Variants in SYNPO2 observed in about 807,000 individuals in gnomAD.
The protein encoded by SYNPO2 is synaptopodin 2.
SYNPO2 carries 56 observed loss-of-function variants against 85.0 expected under a neutral mutation model. That is an observed-to-expected ratio of 0.66 (90% confidence interval 0.53 to 0.82). The LOEUF is 0.82. Ranked by LOEUF, SYNPO2 falls within the 40% of genes least tolerant of loss-of-function variation. SYNPO2 has a pLI of 0.00. For synonymous variants in SYNPO2, 602 were observed against 591.1 expected (o/e 1.02, Z -0.27); for missense variants, 1,575 against 1,534.2 (o/e 1.03, Z -0.44).
intron 1 of SYNPO2, among the ~76,000 whole-genome samples, chr4:118,905,221 A>G (rs78472330): frequency 0.01 from 1,566 of 152,298 alleles, 10 homozygotes; most frequent in Admixed American, 0.02. Context: ...TATGTTCTTC[A>G]TGATATCCAA....
chr4:118,914,080 G>A (rs1204063313), intron 1 of SYNPO2, among the ~76,000 whole-genome samples: 4 of 152,164 alleles, frequency 2.6e-5, no homozygotes, highest in African/African-American at 9.7e-5. Flanking sequence ...TATAGGATAT[G>A]GATGGTGGGG....
chr4:118,908,527 C>T lies in SYNPO2; in HGVS notation c.105+19386C>T, dbSNP rs115246692. Among the ~76,000 whole-genome samples, 462 of 152,072 alleles carry T rather than the reference C, an allele frequency of 3.0e-3. 1 individual carries two copies. Among genetic ancestry groups the T allele is most frequent in the Admixed American group, 6.5e-3 (100 of 15,274 alleles). On this transcript the variant is annotated intron_variant, in intron 1 of 4. Transcript: ENST00000307142. ...AGATCGTTTCAGGATAAAAAACATT[C>T]GTAAGTATGATCAATGTTCTAAAAG...
At chr4:118,936,055 C>A (rs533408446) in intron 1 of SYNPO2, among the ~76,000 whole-genome samples, 5 of 152,116 alleles carry the variant, frequency 3.3e-5, no homozygotes, top group African/African-American at 1.2e-4. Context: ...CTAAGTGAAC[C>A]CATACAGTTC....
chr4:118,916,701 T>C (rs1733336410), intron 1 of SYNPO2, among the ~76,000 whole-genome samples: 1 of 150,990 alleles, frequency 6.6e-6, no homozygotes, highest in Non-Finnish European at 1.5e-5. Context: ...TTCTTTTTCT[T>C]CTTCCTCTTC....
chr4:119,032,350 A>G, intron 4 of SYNPO2: 13 of 1,251,328 alleles, frequency 1.0e-5, no homozygotes, highest in Non-Finnish European at 1.3e-5. Context: ...TAGCCACAAG[A>G]AAGACAGTGA....
At chr4:118,944,998 C>T (rs1298989461) in intron 1 of SYNPO2, among the ~76,000 whole-genome samples, 1 of 152,220 alleles carries the variant, frequency 6.6e-6, no homozygotes, top group South Asian at 2.1e-4. Flanking sequence ...CTCTCTGAAC[C>T]TCAGCTCCTT....
intron 1 of SYNPO2, among the ~76,000 whole-genome samples, chr4:118,879,734 C>T (rs1215170738): frequency 6.6e-6 from 1 of 152,202 alleles, no homozygotes; most frequent in Non-Finnish European, 1.5e-5. Context: ...GGTCATCAAT[C>T]ATTTGCCTTC....
intron 1 of SYNPO2, among the ~76,000 whole-genome samples, chr4:119,023,167 T>C (rs185280951): frequency 5.6e-4 from 85 of 152,356 alleles, no homozygotes; most frequent in African/African-American, 2.0e-3. Flanking sequence ...GTCTGGTACC[T>C]TTACATTGAT....
At chr4:118,904,230 T>A (rs906656544) in intron 1 of SYNPO2, among the ~76,000 whole-genome samples, 9 of 140,764 alleles carry the variant, frequency 6.4e-5, no homozygotes, top group African/African-American at 2.3e-4. Flanking sequence ...TAGAAAACAT[T>A]CAAGAGTTTA....
chr4:119,025,977 G>C (rs527524514), intron 2 of SYNPO2, among the ~76,000 whole-genome samples: 2 of 152,198 alleles, frequency 1.3e-5, no homozygotes, highest in South Asian at 4.2e-4. Context: ...CCAAGAAACA[G>C]ATCCAAATAG....
intron 1 of SYNPO2, among the ~76,000 whole-genome samples, chr4:118,891,548 A>C (rs1432909949): frequency 6.6e-6 from 1 of 152,242 alleles, no homozygotes; most frequent in Non-Finnish European, 1.5e-5. Context: ...CCCTTGGAAC[A>C]AAGCGCTTAT....
intron 1 of SYNPO2, among the ~76,000 whole-genome samples, chr4:118,992,153 A>G (rs943091548): frequency 6.6e-6 from 1 of 152,092 alleles, no homozygotes; most frequent in African/African-American, 2.4e-5. Flanking sequence ...ATAAGTGAAG[A>G]CATTTACATT....
intron 1 of SYNPO2, among the ~76,000 whole-genome samples, chr4:118,879,513 A>G (rs1429002003): frequency 2.0e-5 from 3 of 152,214 alleles, no homozygotes; most frequent in African/African-American, 7.2e-5. Flanking sequence ...GTGAGGACAC[A>G]ATGAGAAGAC....
At chr4:118,968,978 G>C (rs561997705) in intron 1 of SYNPO2, among the ~76,000 whole-genome samples, 1 of 152,140 alleles carries the variant, frequency 6.6e-6, no homozygotes, top group Admixed American at 6.5e-5. Flanking sequence ...AAAACAGAAC[G>C]AGAAAATCCA....
At chr4:119,032,786 G>A in intron 4 of SYNPO2, 1 of 864,556 alleles carries the variant, frequency 1.2e-6, no homozygotes, top group Non-Finnish European at 1.4e-6. Flanking sequence ...TTGGGAGGCT[G>A]AGGTAGGAGG....
Position 118,961,516 on chromosome 4 carries a change from A to G in SYNPO2, c.106-61914A>G, listed in dbSNP as rs114948483. On this transcript the variant is annotated intron_variant, in intron 1 of 4. Coordinates refer to ENST00000307142, the MANE Select transcript of SYNPO2 (RefSeq NM_133477.3). ...TTACTCAGGTGTCCGTTCAAATAGT[A>G]TCCCCTAAGAGAGGCATTCTCCAAC... is the stretch of plus-strand genomic sequence containing the variant. Among the ~76,000 whole-genome samples, 818 of 152,298 alleles carry G rather than the reference A, an allele frequency of 5.4e-3. 14 individuals carry two copies. Among genetic ancestry groups the G allele is most frequent in the African/African-American group, 0.017 (711 of 41,566 alleles).
chr4:118,935,600 G>T (rs1352272167), intron 1 of SYNPO2, among the ~76,000 whole-genome samples: 2 of 152,212 alleles, frequency 1.3e-5, no homozygotes, highest in Admixed American at 6.5e-5. Flanking sequence ...ACACAAATAA[G>T]TTGGCCGTTG....
chr4:118,871,433 T>G (rs560074017), intron 1 of SYNPO2, among the ~76,000 whole-genome samples: 1 of 152,116 alleles, frequency 6.6e-6, no homozygotes, highest in Non-Finnish European at 1.5e-5. Context: ...TTTGCCACCA[T>G]GTGACAAAAC....
At chr4:118,993,429 TG>T (rs1299263544) in intron 1 of SYNPO2, among the ~76,000 whole-genome samples, 57 of 152,340 alleles carry the variant, frequency 3.7e-4, no homozygotes, top group African/African-American at 1.3e-3. Context: ...TGATTTAGTT[TG>T]GTTTAAAAGT....
Sources: allele counts gnomAD v4.1 joint callset (sites outside exome capture counted in the v4.1 genomes callset), GRCh38; gene constraint gnomAD v4.1.1; transcripts MANE v1.5; gene names NCBI Gene and HGNC (gene_info 2026-07-23, HGNC 2026-07-21).